The following NAALADL2 variants were observed in gnomAD, a reference collection of about 807,000 sequenced individuals.
NAALADL2 encodes inactive N-acetylated-alpha-linked acidic dipeptidase-like protein 2.
A neutral mutation model predicts 87.2 loss-of-function variants in NAALADL2; 76 were observed. The observed-to-expected ratio is 0.87, with a 90% CI of 0.72 to 1.05. The LOEUF (loss-of-function observed/expected upper bound fraction) is 1.05. NAALADL2 is among the 50% of genes least tolerant of loss of function. NAALADL2 has a pLI of 0.00. For missense variants in NAALADL2, 1,089 were observed against 945.8 expected (o/e 1.15, Z -1.99); for synonymous variants, 354 against 331.0 (o/e 1.07, Z -0.75).
chr3:175,721,664 A>G (rs932696444), intron 11 of NAALADL2, among the ~76,000 whole-genome samples: 3 of 152,138 alleles, frequency 2.0e-5, no homozygotes, highest in African/African-American at 7.2e-5. Flanking sequence ...ATCGAGCTAT[A>G]GGAAGAAATC....
At chr3:175,184,372 TA>T (rs1737026637) in intron 2 of NAALADL2, among the ~76,000 whole-genome samples, 1 of 152,156 alleles carries the variant, frequency 6.6e-6, no homozygotes, top group South Asian at 2.1e-4. Context: ...AATCTACAGA[TA>T]ATGAACTAAA....
At position 175,105,642 on chromosome 3, in the gene NAALADL2, GACACACACACACACACACACACAC is replaced by G. The variant is rs57274941; in HGVS notation, c.545+8369_545+8392del. 5.5e-5 allele frequency among the ~76,000 whole-genome samples: 8 copies of G among 144,630 alleles called. No homozygotes were observed. In the East Asian group the frequency reaches 1.0e-3, roughly 18 times the overall value. 94.9% of individuals were successfully genotyped at this position (144,630 alleles called of 152,430 possible). ...AGCAAGATATTTGAGAATACACACA[GACACACACACACACACACACACAC>G]ACACACACACACACACATCCCTTTG... On this transcript the variant is annotated intron_variant, in intron 2 of 13. Transcript: ENST00000454872.
chr3:175,261,507 T>C (rs1307733645), intron 4 of NAALADL2, among the ~76,000 whole-genome samples: 1 of 152,112 alleles, frequency 6.6e-6, no homozygotes, highest in African/African-American at 2.4e-5. Flanking sequence ...CAGATGAATA[T>C]ATATCTTGAT....
At chr3:175,185,552 A>C (rs1737201008) in intron 2 of NAALADL2, among the ~76,000 whole-genome samples, 1 of 151,878 alleles carries the variant, frequency 6.6e-6, no homozygotes, top group African/African-American at 2.4e-5. Context: ...TATTTTATAG[A>C]TATGTGGTAT....
At chr3:174,719,836 C>T (rs978764065) in intron 2 of NAALADL2, among the ~76,000 whole-genome samples, 3 of 152,072 alleles carry the variant, frequency 2.0e-5, no homozygotes, top group African/African-American at 7.2e-5. Flanking sequence ...GCTCTGTTGC[C>T]AGCCTGGAGT....
intron 1 of NAALADL2, among the ~76,000 whole-genome samples, chr3:175,053,118 G>A (rs546761125): frequency 5.9e-5 from 9 of 152,232 alleles, no homozygotes; most frequent in South Asian, 2.1e-4. Flanking sequence ...TTTTGAGGGC[G>A]GTATGCCTCA....
chr3:174,940,070 C>A (rs1738344272), intron 1 of NAALADL2, among the ~76,000 whole-genome samples: 1 of 151,994 alleles, frequency 6.6e-6, no homozygotes, highest in Non-Finnish European at 1.5e-5. Context: ...GAGAGGACAT[C>A]CTGTCTTGTA....
At chr3:175,295,718 AACACACAC>A (rs58935758) in intron 4 of NAALADL2, among the ~76,000 whole-genome samples, 1,489 of 143,756 alleles carry the variant, frequency 0.01, 29 homozygotes, top group African/African-American at 0.037. Context: ...CATGCACACA[AACACACAC>A]ACACACACAC....
intron 9 of NAALADL2, among the ~76,000 whole-genome samples, chr3:175,569,341 T>C (rs1717683887): frequency 6.6e-6 from 1 of 152,224 alleles, no homozygotes; most frequent in Admixed American, 6.5e-5. Flanking sequence ...AGTTTAATTT[T>C]TCACTAGTTC....
At chr3:175,783,625 A>C (rs1751470999) in intron 13 of NAALADL2, among the ~76,000 whole-genome samples, 1 of 152,048 alleles carries the variant, frequency 6.6e-6, no homozygotes, top group African/African-American at 2.4e-5. Flanking sequence ...GGTTTTCTAA[A>C]TATACAATCA....
chr3:175,570,049 T>C (rs1174722197), intron 9 of NAALADL2, among the ~76,000 whole-genome samples: 1 of 152,140 alleles, frequency 6.6e-6, no homozygotes, highest in East Asian at 1.9e-4. Context: ...GTAGTGCTTG[T>C]CTGAATTTGA....
chr3:175,031,242 G>T (rs1752762140), intron 1 of NAALADL2, among the ~76,000 whole-genome samples: 1 of 151,886 alleles, frequency 6.6e-6, no homozygotes, highest in Non-Finnish European at 1.5e-5. Flanking sequence ...CAGGTAGCCT[G>T]GTACCCAATA....
intron 1 of NAALADL2, among the ~76,000 whole-genome samples, chr3:174,959,013 T>C (rs1741581840): frequency 6.6e-6 from 1 of 152,084 alleles, no homozygotes. Context: ...CAGTTTTCTA[T>C]TGGTGTTTTG....
rs140861242 is a variant in NAALADL2, at chr3:174,557,551, G to T, written c.-115+6914G>T. ...ATAATAGACTCCTTTAAGAGGTACA[G>T]CTGTATTAGGATTTCAGTAAATATG... On this transcript the variant is annotated intron_variant, in intron 2 of 3. Coordinates refer to the NAALADL2 transcript ENST00000434257. Among the ~76,000 whole-genome samples, 317 of 152,158 alleles carry T rather than the reference G, an allele frequency of 2.1e-3. 1 individual carries two copies. Among genetic ancestry groups the T allele is most frequent in the Non-Finnish European group, 3.2e-3 (221 of 68,008 alleles).
At chr3:174,871,136 A>T (rs1727772586) in intron 1 of NAALADL2, among the ~76,000 whole-genome samples, 1 of 152,264 alleles carries the variant, frequency 6.6e-6, no homozygotes, top group Non-Finnish European at 1.5e-5. Context: ...AAAGAAATAT[A>T]GATTTACCTT....
chr3:175,122,222 G>T (rs1394714360), intron 2 of NAALADL2, among the ~76,000 whole-genome samples: 2 of 151,796 alleles, frequency 1.3e-5, no homozygotes, highest in African/African-American at 4.8e-5. Context: ...GGGCCATTCT[G>T]CATACTGGTT....
chr3:174,742,168 A>G (rs1269566661), intron 3 of NAALADL2, among the ~76,000 whole-genome samples: 1 of 151,708 alleles, frequency 6.6e-6, no homozygotes, highest in Non-Finnish European at 1.5e-5. Context: ...AAATTTTTCA[A>G]GGACCATTTA....
At chr3:174,897,938 C>T (rs1406960886) in intron 1 of NAALADL2, among the ~76,000 whole-genome samples, 1 of 139,320 alleles carries the variant, frequency 7.2e-6, no homozygotes, top group East Asian at 2.0e-4. Context: ...ACGGTGAAAC[C>T]CCGTCTCTAC....
At chr3:175,489,238 C>T (rs998631578) in intron 9 of NAALADL2, among the ~76,000 whole-genome samples, 2 of 152,006 alleles carry the variant, frequency 1.3e-5, no homozygotes, top group South Asian at 2.1e-4. Flanking sequence ...AAAATTCACA[C>T]CTATGATCTC....
Sources: gnomAD v4.1 joint callset for allele counts (sites outside exome capture counted in the v4.1 genomes callset) on GRCh38, gnomAD v4.1.1 for gene constraint, MANE v1.5 for transcripts, NCBI Gene and HGNC (gene_info 2026-07-23, HGNC 2026-07-21) for gene names.